Variants in CEP89 observed in about 807,000 individuals in gnomAD.
CEP89 encodes the protein centrosomal protein 89, also known as centrosomal protein of 89 kDa.
CEP89 carries 95 observed loss-of-function variants against 97.6 expected under a neutral mutation model. That is an observed-to-expected ratio of 0.97 (90% CI 0.82 to 1.15). The LOEUF (loss-of-function observed/expected upper bound fraction) is 1.15, where lower values mean the gene tolerates loss of function less well. Ranked by LOEUF, CEP89 falls within the 50% of genes most tolerant of loss-of-function variation. The pLI, the probability that CEP89 is intolerant of heterozygous loss-of-function variation, is 0.00. For missense variants in CEP89, 869 were observed against 947.7 expected, an observed-to-expected ratio of 0.92 and a Z score of 1.09; for synonymous variants, 354 against 349.1, an observed-to-expected ratio of 1.01 and a Z score of -0.16.
intron 13 of CEP89, chr19:32,917,664 T>A (rs1451569374): frequency 3.8e-6 from 1 of 266,392 alleles, no homozygotes; most frequent in East Asian, 1.8e-4. Context: ...ACTCTTAACC[T>A]GGCCCCCTTA....
intron 14 of CEP89, among the ~76,000 whole-genome samples, chr19:32,905,211 G>T (rs1307805669): frequency 6.6e-6 from 1 of 152,120 alleles, no homozygotes; most frequent in Admixed American, 6.5e-5. Context: ...TATTTGGTGT[G>T]ATCTTTATTG....
In CEP89 at chr19:32,887,807, A is replaced by G. The variant is rs374552725; in HGVS notation, c.1910T>C (p.Leu637Pro). Residue 637 changes from leucine (L) to proline (P), a missense_variant, in exon 17 of 19, where the codon CTT becomes CCT. Transcript: ENST00000305768. ...AATGTTGCTTTTTATGACTTTATTA[A>G]GCACTCCATCCTTCTCACTTTCTAA... The part of the protein sequence containing the change: ...KCLESEKDGV[L>P]NKVIKSNIRL... The G allele has an allele frequency of 4.3e-5, 70 of 1,613,270 alleles. No homozygotes were observed. Among genetic ancestry groups the G allele is most frequent in the Non-Finnish European group, 5.6e-5 (66 of 1,179,318 alleles).
chr19:32,880,519 T>C (rs972920099), intron 18 of CEP89, among the ~76,000 whole-genome samples: 8 of 151,894 alleles, frequency 5.3e-5, no homozygotes, highest in African/African-American at 1.9e-4. Flanking sequence ...TGCACCTGTA[T>C]TTCCAGCTAC....
intron 12 of CEP89, among the ~76,000 whole-genome samples, chr19:32,921,046 C>T (rs1224940297): frequency 2.7e-5 from 4 of 150,822 alleles, no homozygotes; most frequent in South Asian, 2.1e-4. Flanking sequence ...GGTGAAACCT[C>T]GTCTCTACTA....
At chr19:32,970,379 G>C (rs1281748597) in intron 1 of CEP89, 1 of 152,202 alleles carries the variant, frequency 6.6e-6, no homozygotes, top group Admixed American at 6.6e-5. Flanking sequence ...ACTCAAGCCA[G>C]ATGCAGTGGC....
chr19:32,944,057 G>T (rs899799142), intron 5 of CEP89, among the ~76,000 whole-genome samples: 1 of 151,812 alleles, frequency 6.6e-6, no homozygotes, highest in Admixed American at 6.6e-5. Flanking sequence ...GTAAAACCCT[G>T]TGTCTAACAA....
chr19:32,921,763 A>T (rs2145916038), intron 12 of CEP89, among the ~76,000 whole-genome samples: 2 of 152,220 alleles, frequency 1.3e-5, no homozygotes, highest in Middle Eastern at 3.4e-3. Flanking sequence ...CTGAAGGAAG[A>T]AAATCCAAGC....
At chr19:32,914,932 GA>G (rs1970088691) in intron 14 of CEP89, among the ~76,000 whole-genome samples, 1 of 151,956 alleles carries the variant, frequency 6.6e-6, no homozygotes, top group Non-Finnish European at 1.5e-5. Flanking sequence ...TGAGGCAGGA[GA>G]ATCACTTGAA....
At chr19:32,954,713 G>GGGT (rs58160116) in intron 3 of CEP89, among the ~76,000 whole-genome samples, 19,634 of 151,302 alleles carry the variant, frequency 0.13, 1,331 homozygotes, top group East Asian at 0.28. Flanking sequence ...CACCCAGGAT[G>GGGT]GAGTATAGTA....
At chr19:32,885,879 C>T (rs1001734768) in intron 17 of CEP89, among the ~76,000 whole-genome samples, 1 of 152,212 alleles carries the variant, frequency 6.6e-6, no homozygotes, top group African/African-American at 2.4e-5. Flanking sequence ...TTCCACTTTC[C>T]TGTCTGTCTT....
At chr19:32,927,957 A>G (rs1373120565) in intron 9 of CEP89, among the ~76,000 whole-genome samples, 1 of 128,392 alleles carries the variant, frequency 7.8e-6, no homozygotes, top group Non-Finnish European at 1.6e-5. Flanking sequence ...GCTCTGTCGC[A>G]CAGGCTGGAG....
At chr19:32,921,328 G>C (rs1029111993) in intron 12 of CEP89, among the ~76,000 whole-genome samples, 1 of 152,174 alleles carries the variant, frequency 6.6e-6, no homozygotes, top group Non-Finnish European at 1.5e-5. Context: ...TGCAGGTACC[G>C]AGAGCGGCAA....
intron 8 of CEP89, among the ~76,000 whole-genome samples, chr19:32,932,173 T>A: frequency 1.4e-5 from 2 of 141,824 alleles, no homozygotes; most frequent in African/African-American, 2.6e-5. Context: ...AGAGGGAGAC[T>A]CCATCTCACA....
chr19:32,959,663 A>G (rs904013591), intron 3 of CEP89, among the ~76,000 whole-genome samples: 7 of 152,196 alleles, frequency 4.6e-5, no homozygotes, highest in Non-Finnish European at 7.3e-5. Context: ...AACAAGATCC[A>G]CTATGGAGGA....
At chr19:32,894,091 A>C (rs1166488309) in intron 16 of CEP89, among the ~76,000 whole-genome samples, 1 of 152,218 alleles carries the variant, frequency 6.6e-6, no homozygotes, top group Non-Finnish European at 1.5e-5. Flanking sequence ...CCAGTGACGC[A>C]GGAGGCAGGA....
chr19:32,951,288 C>G (rs1003942619), intron 4 of CEP89, among the ~76,000 whole-genome samples: 1 of 152,216 alleles, frequency 6.6e-6, no homozygotes, highest in East Asian at 1.9e-4. Flanking sequence ...GAGTTCGAGA[C>G]CATCCTGGCC....
At position 32,918,107 on chromosome 19, in the gene CEP89, A is replaced by AC. The variant is rs1353482904; in HGVS notation, c.1384+116_1384+117insG. On this transcript the variant is annotated intron_variant, in intron 13 of 18. Transcript: ENST00000305768. ...TATAAACAGCCACATTCCAGTCAAA[A>AC]ATGCAAAACATGACTTCTCTCATTT... The AC allele has an allele frequency of 4.9e-6, 4 of 809,088 alleles. No homozygotes were observed. In the African/African-American group the frequency reaches 5.1e-5, roughly 10 times the overall value. The allele number at this position is 809,088 out of a possible 1,614,324, so 50.1% of individuals were successfully genotyped here. A position where few individuals can be genotyped will look rare whatever the true frequency, so the allele number is the denominator to read the frequency against.
intron 16 of CEP89, among the ~76,000 whole-genome samples, chr19:32,897,427 C>G (rs968855481): frequency 6.6e-6 from 1 of 152,164 alleles, no homozygotes; most frequent in African/African-American, 2.4e-5. Flanking sequence ...AAGGTCTGGT[C>G]TCTGGTTTCT....
chr19:32,944,220 T>TAAAA lies in CEP89; in HGVS notation c.595+4042_595+4045dup, dbSNP rs750448528. On this transcript the variant is annotated intron_variant, in intron 5 of 18. Coordinates refer to ENST00000305768, the MANE Select transcript of CEP89 (RefSeq NM_032816.5). ...GCCTGGGCAACAGAGTGAGACCCTG[T>TAAAA]AAAAAAAAAAAAAAAAAGACTCTTC... 8.2e-3 allele frequency among the ~76,000 whole-genome samples: 514 copies of TAAAA among 62,422 alleles called. 12 individuals are homozygous for TAAAA. Among genetic ancestry groups the TAAAA allele is most frequent in the African/African-American group, 0.031 (467 of 14,906 alleles). The allele number at this position is 62,422 out of a possible 152,430, so 41.0% of individuals were successfully genotyped here.
Sources: gnomAD v4.1 joint callset for allele counts (sites outside exome capture counted in the v4.1 genomes callset) on GRCh38, gnomAD v4.1.1 for gene constraint, MANE v1.5 for transcripts, NCBI Gene and HGNC (gene_info 2026-07-23, HGNC 2026-07-21) for gene names.